PARD3B: variants seen among roughly 807,000 people sequenced by gnomAD.
The protein encoded by PARD3B is partitioning defective 3 homolog B.
PARD3B carries 103 observed loss-of-function variants against 130.2 expected under a neutral mutation model. That is an observed-to-expected ratio of 0.79 (90% CI 0.67 to 0.93). The LOEUF (loss-of-function observed/expected upper bound fraction) is 0.93, where lower values mean the gene tolerates loss of function less well. Among genes scored for constraint, PARD3B ranks in the 40% least tolerant of loss-of-function variants. PARD3B has a pLI of 0.00. For synonymous variants in PARD3B, 583 were observed against 553.2 expected, an observed-to-expected ratio of 1.05 and a Z score of -0.76; for missense variants, 1,609 against 1,499.2, an observed-to-expected ratio of 1.07 and a Z score of -1.21.
chr2:205,434,438 G>A (rs552571280), intron 19 of PARD3B, among the ~76,000 whole-genome samples: 25 of 152,220 alleles, frequency 1.6e-4, no homozygotes, highest in Admixed American at 9.2e-4. Context: ...CGCATTCAAG[G>A]AGCCCGTAAT....
intron 2 of PARD3B, among the ~76,000 whole-genome samples, chr2:204,722,465 A>G (rs536664275): frequency 2.0e-5 from 3 of 152,114 alleles, no homozygotes; most frequent in Non-Finnish European, 2.9e-5. Flanking sequence ...TAAAACCAGG[A>G]CCCTGAAATG....
At chr2:204,828,234 C>A (rs184881998) in intron 2 of PARD3B, among the ~76,000 whole-genome samples, 1 of 152,246 alleles carries the variant, frequency 6.6e-6, no homozygotes, top group Admixed American at 6.5e-5. Flanking sequence ...CTTGAAATTT[C>A]CTCTTCTCTT....
rs1292828348 is a variant in PARD3B at position 205,078,101 on chromosome 2, C to T, written c.505-26325C>T. 6.6e-6 allele frequency among the ~76,000 whole-genome samples: 1 copy of T among 152,148 alleles called. No homozygotes were observed. ...AGTCAGTTTATGTCTGTATAACATG[C>T]ATGGCTTTCCAAAAAGGTGATTTAT... On this transcript the variant is annotated intron_variant, in intron 4 of 22. Coordinates refer to ENST00000406610, the MANE Select transcript of PARD3B (RefSeq NM_001302769.2). This position sits in a 1 kb window ranked among gnomAD's most constrained non-coding sequence, Gnocchi z 4.0.
At chr2:205,538,782 G>T (rs978349478) in intron 21 of PARD3B, among the ~76,000 whole-genome samples, 11 of 152,028 alleles carry the variant, frequency 7.2e-5, no homozygotes, top group Non-Finnish European at 1.5e-4. Context: ...AAGTGTTTTT[G>T]TTTTTTTATT....
intron 19 of PARD3B, among the ~76,000 whole-genome samples, chr2:205,433,532 CAAAAAAAA>C (rs34275307): frequency 9.1e-6 from 1 of 110,294 alleles, no homozygotes; most frequent in Non-Finnish European, 1.9e-5. Context: ...GACTCTGTGT[CAAAAAAAA>C]AAAAAAAAAA....
At chr2:205,185,726 T>C in intron 13 of PARD3B, 38 bp from the exon 14 acceptor site, 1 of 1,574,256 alleles carries the variant, frequency 6.4e-7, no homozygotes, top group Middle Eastern at 1.7e-4. Context: ...ATGGTTCTGC[T>C]TCCACTTTAT....
rs570057805 is a variant in PARD3B at position 205,396,008 on chromosome 2, G to A, written c.2631-5005G>A. Among the ~76,000 whole-genome samples the A allele has an allele frequency of 3.3e-5, 5 of 152,038 alleles. No homozygotes were observed. In the East Asian group the frequency reaches 7.7e-4, roughly 24 times the overall value. On this transcript the variant is annotated intron_variant, in intron 18 of 22. Coordinates refer to ENST00000406610, the MANE Select transcript of PARD3B (RefSeq NM_001302769.2). ...TTGGCTTTTCCATCTGCATCCTGGC[G>A]GAGTTTCCTCTCTCATCTCCCAGCC...
intron 18 of PARD3B, among the ~76,000 whole-genome samples, chr2:205,373,513 TA>T (rs1344082362): frequency 1.3e-5 from 2 of 152,234 alleles, no homozygotes; most frequent in Non-Finnish European, 2.9e-5. Context: ...AAATTTGGCA[TA>T]ATGGTTCAAA....
At chr2:205,024,445 A>G (rs376246509) in intron 3 of PARD3B, among the ~76,000 whole-genome samples, 1 of 152,152 alleles carries the variant, frequency 6.6e-6, no homozygotes, top group East Asian at 1.9e-4. Context: ...CTGGGATTAC[A>G]GGCCTCACTG....
At chr2:205,046,263 T>TA (rs1559384704) in intron 3 of PARD3B, among the ~76,000 whole-genome samples, 6 of 151,708 alleles carry the variant, frequency 4.0e-5, no homozygotes, top group African/African-American at 1.5e-4. Context: ...TTTTTTTTTT[T>TA]TAAAAATGTT....
At position 205,116,569 on chromosome 2, in the gene PARD3B, C is replaced by T. The variant is rs888983046; in HGVS notation, c.681-2352C>T. Among the ~76,000 whole-genome samples the T allele has an allele frequency of 6.6e-6, 1 of 152,156 alleles. No homozygotes were observed. Among genetic ancestry groups the T allele is most frequent in the South Asian group, 2.1e-4 (1 of 4,826 alleles). The stretch of plus-strand genomic sequence containing the variant: ...TGGTTAGTCTCGGCCTATAACTCCT[C>T]GACAGCATTAATCTTTAAATTCTGC... On this transcript the variant is annotated intron_variant, in intron 6 of 22. Coordinates refer to ENST00000406610, the MANE Select transcript of PARD3B (RefSeq NM_001302769.2). The surrounding 1 kb of genome is among the most constrained non-coding windows in gnomAD (Gnocchi z 4.5).
chr2:205,245,281 A>G (rs932473719), intron 15 of PARD3B, among the ~76,000 whole-genome samples: 1 of 152,186 alleles, frequency 6.6e-6, no homozygotes, highest in Non-Finnish European at 1.5e-5. Flanking sequence ...GTTGAATGCC[A>G]TTGTTTCTTG....
intron 4 of PARD3B, among the ~76,000 whole-genome samples, chr2:205,072,875 G>A (rs1328784242): frequency 6.6e-6 from 1 of 152,112 alleles, no homozygotes; most frequent in Admixed American, 6.5e-5. Flanking sequence ...AAAATTTTAT[G>A]TATGAGAGTC....
At chr2:204,687,054 G>A (rs1201591167) in intron 2 of PARD3B, among the ~76,000 whole-genome samples, 1 of 152,010 alleles carries the variant, frequency 6.6e-6, no homozygotes, top group Non-Finnish European at 1.5e-5. Flanking sequence ...CTTTAGTGCT[G>A]TTTGTACAAG....
intron 18 of PARD3B, among the ~76,000 whole-genome samples, chr2:205,364,498 C>T (rs1296330927): frequency 6.6e-6 from 1 of 152,204 alleles, no homozygotes; most frequent in African/African-American, 2.4e-5. Context: ...GCAAGGTTGG[C>T]CTGGGCTGGT....
chr2:204,724,916 T>C (rs1014748932), intron 2 of PARD3B, among the ~76,000 whole-genome samples: 4 of 152,130 alleles, frequency 2.6e-5, no homozygotes, highest in African/African-American at 7.2e-5. Flanking sequence ...GAACTAGAAC[T>C]GATCCAGTCT....
chr2:205,020,848 A>G (rs1248221750), intron 3 of PARD3B, among the ~76,000 whole-genome samples: 1 of 152,154 alleles, frequency 6.6e-6, no homozygotes, highest in Non-Finnish European at 1.5e-5. Flanking sequence ...ATGTGAAATC[A>G]GAGACAGGCA....
intron 2 of PARD3B, among the ~76,000 whole-genome samples, chr2:204,932,385 C>G (rs568201191): frequency 3.9e-4 from 60 of 152,094 alleles, no homozygotes; most frequent in African/African-American, 1.3e-3. Context: ...TGTAAATTCT[C>G]CTTTAAATAA....
chr2:204,693,183 AATTT>A (rs1203836437), intron 2 of PARD3B, among the ~76,000 whole-genome samples: 2 of 151,972 alleles, frequency 1.3e-5, no homozygotes, highest in African/African-American at 4.8e-5. Flanking sequence ...TAATAAAGCC[AATTT>A]ATTCTTTCCT....
Sources: allele counts gnomAD v4.1 joint callset (sites outside exome capture counted in the v4.1 genomes callset), GRCh38; gene constraint gnomAD v4.1.1; non-coding constraint Gnocchi (gnomAD v3.1); transcripts MANE v1.5; gene names NCBI Gene and HGNC (gene_info 2026-07-23, HGNC 2026-07-21).